USO1: variants seen among roughly 807,000 people sequenced by gnomAD.
USO1 encodes general vesicular transport factor p115.
Under a neutral mutation model 124.5 loss-of-function variants are expected in USO1, and 57 were observed. The observed-to-expected ratio is 0.46, with a 90% CI of 0.37 to 0.57. The LOEUF is 0.57. Ranked by LOEUF, USO1 falls within the 20% of genes least tolerant of loss-of-function variation. The pLI is 0.00. For synonymous variants in USO1, 369 were observed against 362.8 expected, an observed-to-expected ratio of 1.02 and a Z score of -0.19; for missense variants, 900 against 1,040.6, an observed-to-expected ratio of 0.86 and a Z score of 1.86.
chr4:75,727,027 G>GTAGA (rs911665144), intron 1 of USO1, among the ~76,000 whole-genome samples: 6 of 152,192 alleles, frequency 3.9e-5, no homozygotes, highest in African/African-American at 1.4e-4. Context: ...CTGGCACTTA[G>GTAGA]TAGATGTATA....
intron 9 of USO1, among the ~76,000 whole-genome samples, chr4:75,784,615 G>A (rs1722308339): frequency 6.6e-6 from 1 of 152,062 alleles, no homozygotes; most frequent in Non-Finnish European, 1.5e-5. Context: ...TTAGGAGTTT[G>A]AGACCAACCT....
chr4:75,789,278 G>A (rs1261414578), intron 10 of USO1, among the ~76,000 whole-genome samples: 1 of 54,230 alleles, frequency 1.8e-5, no homozygotes, highest in African/African-American at 5.7e-5. Context: ...TCTGTTTTGT[G>A]TTGCTGTTGT....
intron 1 of USO1, among the ~76,000 whole-genome samples, 184 bp from the exon 2 acceptor site, chr4:75,752,188 CA>C (rs1277016985): frequency 6.6e-6 from 1 of 152,024 alleles, no homozygotes; most frequent in Non-Finnish European, 1.5e-5. Context: ...TAAGTCTCTG[CA>C]AAACTATTTG....
intron 3 of USO1, among the ~76,000 whole-genome samples, chr4:75,754,753 G>A (rs908900529): frequency 7.2e-5 from 11 of 152,050 alleles, no homozygotes; most frequent in Non-Finnish European, 1.6e-4. Flanking sequence ...TTTTCTTTCC[G>A]TTTCCTTTTT....
chr4:75,809,404 G>T lies in USO1; in HGVS notation c.2475+353G>T, dbSNP rs538984932. On this transcript the variant is annotated intron_variant, in intron 21 of 23. Coordinates refer to ENST00000514213, the MANE Select transcript of USO1 (RefSeq NM_003715.4). ...TACTTTTGCAATATAGGTAGACTGAGAATTTTCCAAATCTTCTAATTCTGA... is the reference window on the plus strand; with the variant it reads ...TACTTTTGCAATATAGGTAGACTGATAATTTTCCAAATCTTCTAATTCTGA... Among the ~76,000 whole-genome samples the T allele has an allele frequency of 2.0e-5, 3 of 152,266 alleles. No homozygotes were observed. In the South Asian group the frequency reaches 6.2e-4, roughly 32 times the overall value.
At chr4:75,754,599 C>A (rs1721385584) in intron 3 of USO1, among the ~76,000 whole-genome samples, 1 of 152,126 alleles carries the variant, frequency 6.6e-6, no homozygotes, top group African/African-American at 2.4e-5. Context: ...CTTTCCATGC[C>A]CCCTTCGACC....
rs1335858779 is a variant in USO1, at chr4:75,790,736, G to A, written c.1179G>A (p.Leu393=). Residue 393 remains leucine, a synonymous_variant, in exon 12 of 24, where the codon TTG becomes TTA. Transcript: ENST00000514213. The part of the protein sequence containing the change: ...CAVLYCFQCF[L]YKNQKGQGEI... ...TTCTCTATTGTTTCCAGTGTTTCTT[G>A]TATAAAAACCAAAAAGGACAAGGAG... 2 of 1,613,178 alleles carry A rather than the reference G, an allele frequency of 1.2e-6. No homozygotes were observed. The highest frequency in any genetic ancestry group is 2.2e-5 in the East Asian group (1 of 44,830).
chr4:75,772,221 C>T (rs1332378319), intron 7 of USO1, among the ~76,000 whole-genome samples: 1 of 152,048 alleles, frequency 6.6e-6, no homozygotes, highest in Non-Finnish European at 1.5e-5. Flanking sequence ...GAACTTAATA[C>T]AGTATGTAAC....
intron 7 of USO1, among the ~76,000 whole-genome samples, chr4:75,774,150 G>A (rs1463844542): frequency 2.6e-5 from 4 of 152,188 alleles, no homozygotes; most frequent in East Asian, 1.9e-4. Flanking sequence ...TGCCATTCAC[G>A]AAGCATCAAT....
intron 1 of USO1, among the ~76,000 whole-genome samples, chr4:75,729,197 TTA>T (rs576985703): frequency 1.0e-3 from 158 of 152,290 alleles, no homozygotes; most frequent in African/African-American, 3.7e-3. Context: ...TGGGTGCATA[TTA>T]TTATAGTACA....
chr4:75,805,846 G>A (rs750258881), intron 19 of USO1, among the ~76,000 whole-genome samples: 3 of 151,980 alleles, frequency 2.0e-5, no homozygotes, highest in Non-Finnish European at 4.4e-5. Flanking sequence ...AAATGGTAGT[G>A]GTAATGTCTA....
intron 4 of USO1, among the ~76,000 whole-genome samples, chr4:75,766,426 C>T (rs759323319): frequency 9.9e-5 from 15 of 152,226 alleles, no homozygotes; most frequent in Non-Finnish European, 1.9e-4. Context: ...ACTCCTAGTA[C>T]ATTCCGCAAC....
chr4:75,754,527 T>C (rs1721383923), intron 3 of USO1, among the ~76,000 whole-genome samples: 1 of 152,236 alleles, frequency 6.6e-6, no homozygotes, highest in African/African-American at 2.4e-5. Context: ...AGATCTCTCA[T>C]AAGCCTCTCA....
At chr4:75,738,270 A>G (rs1429315032) in intron 1 of USO1, among the ~76,000 whole-genome samples, 1 of 151,938 alleles carries the variant, frequency 6.6e-6, no homozygotes, top group African/African-American at 2.4e-5. Flanking sequence ...CAGCCTGGCC[A>G]ACATGGTCAA....
chr4:75,752,753 TGGGCTCA>T (rs1250056231), intron 3 of USO1, 149 bp downstream of exon 3: 1 of 384,308 alleles, frequency 2.6e-6, no homozygotes, highest in African/African-American at 2.1e-5. Context: ...CTCGAACTCC[TGGGCTCA>T]GGCGATCTGC....
intron 16 of USO1, 114 bp from the exon 17 acceptor site, chr4:75,800,965 A>G: frequency 7.2e-7 from 1 of 1,388,652 alleles, no homozygotes; most frequent in Non-Finnish European, 9.6e-7. Flanking sequence ...AGTAGGATTG[A>G]AAAGATTATT....
intron 4 of USO1, among the ~76,000 whole-genome samples, chr4:75,763,200 G>A (rs572869349): frequency 2.6e-5 from 4 of 152,200 alleles, no homozygotes; most frequent in South Asian, 2.1e-4. Context: ...CTATGCATGC[G>A]TACTTAAATG....
chr4:75,796,069 G>A (rs1425117173), intron 13 of USO1, among the ~76,000 whole-genome samples: 5 of 152,048 alleles, frequency 3.3e-5, no homozygotes, highest in African/African-American at 1.2e-4. Context: ...TTGTGTATGA[G>A]CATGATTTAA....
chr4:75,802,107 C>T (rs1722868518), intron 17 of USO1, among the ~76,000 whole-genome samples: 1 of 152,154 alleles, frequency 6.6e-6, no homozygotes, highest in Admixed American at 6.5e-5. Context: ...TAGGCATAAG[C>T]CAGCGCGCCC....
Sources: allele counts gnomAD v4.1 joint callset (sites outside exome capture counted in the v4.1 genomes callset), GRCh38; gene constraint gnomAD v4.1.1; transcripts MANE v1.5; gene names NCBI Gene and HGNC (gene_info 2026-07-23, HGNC 2026-07-21).